Variants in FBXO42 observed in about 807,000 individuals in gnomAD.
FBXO42 encodes the protein F-box protein 42, also known as F-box only protein 42.
A neutral mutation model predicts 71.7 loss-of-function variants in FBXO42; 12 were observed. The ratio of observed to expected loss-of-function variants is 0.17; its 90% CI spans 0.11 to 0.27. FBXO42 has a LOEUF of 0.27. Ranked by LOEUF, FBXO42 falls within the 10% of genes least tolerant of loss-of-function variation. FBXO42 has a pLI of 1.00. For synonymous variants in FBXO42, 325 were observed against 327.5 expected (o/e 0.99, Z 0.08); for missense variants, 707 against 911.9 (o/e 0.78, Z 2.89).
chr1:16,352,246 A>AG lies in FBXO42; in HGVS notation c.-18+8dup, dbSNP rs2082708917. On this transcript the variant is annotated intron_variant, in intron 1 of 9. Coordinates refer to ENST00000375592, the MANE Select transcript of FBXO42 (RefSeq NM_018994.3). ...CCCTCTGCGGCCCGGGGAGGAGGAG[A>AG]GGCCTCACCTGGCCCAGCCCGCTCC... is the stretch of plus-strand genomic sequence containing the variant. 2.5e-6 allele frequency: 1 copy of AG among 394,640 alleles called. No homozygotes were observed. Among genetic ancestry groups the AG allele is most frequent in the Non-Finnish European group, 4.5e-6 (1 of 223,968 alleles). The allele number at this position is 394,640 out of a possible 1,614,324, so 24.4% of individuals were successfully genotyped here.
intron 1 of FBXO42, among the ~76,000 whole-genome samples, chr1:16,319,803 C>T (rs145760062): frequency 3.3e-4 from 50 of 151,718 alleles, no homozygotes; most frequent in African/African-American, 1.2e-3. Context: ...CCCAGCTACT[C>T]GGGAGGCTAA....
At chr1:16,350,796 A>AGAAAGAAAGAAAGAAGGAAAGAAAG (rs59531912) in intron 1 of FBXO42, among the ~76,000 whole-genome samples, 1 of 151,200 alleles carries the variant, frequency 6.6e-6, no homozygotes, top group Non-Finnish European at 1.5e-5. Context: ...AAAGAAAGAA[A>AGAAAGAAAGAAAGAAGGAAAGAAAG]ATGGTCAAAT....
chr1:16,340,696 T>C (rs934480398), intron 1 of FBXO42, among the ~76,000 whole-genome samples: 7 of 152,246 alleles, frequency 4.6e-5, no homozygotes, highest in Admixed American at 2.6e-4. Context: ...TTCTCATTTA[T>C]AATTTTCTTA....
chr1:16,266,324 A>G (rs760303561), intron 4 of FBXO42, among the ~76,000 whole-genome samples: 4 of 152,194 alleles, frequency 2.6e-5, no homozygotes, highest in Admixed American at 6.5e-5. Flanking sequence ...CCATGCTAAA[A>G]TAAGTTTGCT....
chr1:16,331,326 T>C (rs917611359), intron 1 of FBXO42, among the ~76,000 whole-genome samples: 3 of 151,490 alleles, frequency 2.0e-5, no homozygotes, highest in East Asian at 2.0e-4. Flanking sequence ...GGCAGGAGAA[T>C]GGCGTGAACC....
intron 1 of FBXO42, among the ~76,000 whole-genome samples, chr1:16,337,883 C>CAAAAAAAAAAAAAAAAAAAAAAA (rs60328879): frequency 4.4e-4 from 17 of 38,854 alleles, no homozygotes; most frequent in East Asian, 1.6e-3. Flanking sequence ...GACTCCGTCT[C>CAAAAAAAAAAAAAAAAAAAAAAA]AAAAAAAAAA....
At chr1:16,347,345 G>C (rs145788510) in intron 1 of FBXO42, among the ~76,000 whole-genome samples, 1,656 of 149,564 alleles carry the variant, frequency 0.011, 32 homozygotes, top group African/African-American at 0.037. Flanking sequence ...GTGAAACCCC[G>C]TGTCTACTAA....
rs1225278177 is a variant in FBXO42, at chr1:16,305,905, A to G, written c.265T>C (p.Cys89Arg). The G allele has an allele frequency of 1.2e-6, 2 of 1,613,396 alleles. No individual in the cohort carries two copies. The highest frequency in any genetic ancestry group is 1.7e-5 in the Admixed American group (1 of 60,014). ...YRLIKGVAHQCYHGFMKAVQE... is the reference protein window; with the variant it reads ...YRLIKGVAHQRYHGFMKAVQE... ...ACAGCCTTCATGAAACCATGATAACACTGATGGGCTACACCTAAGACAGAA... is the reference window on the plus strand; with the variant it reads ...ACAGCCTTCATGAAACCATGATAACGCTGATGGGCTACACCTAAGACAGAA... The change falls in exon 3 of 10, where the codon TGT (cysteine) becomes CGT (arginine). Residue 89 changes from cysteine to arginine, a missense_variant. Physicochemically the swap from Cys to Arg is radical, Grantham distance 180. This residue lies in a region of FBXO42 where 188 missense variants were observed against 230.5 expected (regional missense o/e 0.82). Transcript: ENST00000375592.
intron 3 of FBXO42, among the ~76,000 whole-genome samples, chr1:16,298,668 C>T (rs1020242238): frequency 6.6e-6 from 1 of 152,068 alleles, no homozygotes; most frequent in African/African-American, 2.4e-5. Flanking sequence ...CACCACCACG[C>T]CCAGCTAGTT....
chr1:16,298,850 T>C (rs902486874), intron 3 of FBXO42, among the ~76,000 whole-genome samples: 2 of 152,034 alleles, frequency 1.3e-5, no homozygotes, highest in South Asian at 4.1e-4. Flanking sequence ...GTGTCCATTA[T>C]AACATTGCTT....
rs1027411740 is a variant in FBXO42 at position 16,247,631 on chromosome 1, C to T, written c.*3039G>A. ...GGTTTTCAGCTGTTGCTGTAAAACT[C>T]GAACATTAAAATCAAATCAATCCAC... On this transcript the variant is annotated 3_prime_UTR_variant, in exon 10 of 10. Coordinates refer to ENST00000375592, the MANE Select transcript of FBXO42 (RefSeq NM_018994.3). 4 of 152,048 alleles carry T rather than the reference C, an allele frequency of 2.6e-5. No homozygotes were observed. Among genetic ancestry groups the T allele is most frequent in the African/African-American group, 9.7e-5 (4 of 41,394 alleles). 9.4% of individuals were successfully genotyped at this position (152,048 alleles called of 1,614,324 possible).
chr1:16,325,063 C>A (rs181858870), intron 1 of FBXO42, among the ~76,000 whole-genome samples: 2 of 152,124 alleles, frequency 1.3e-5, no homozygotes, highest in East Asian at 3.9e-4. Context: ...CAAAGTGAGA[C>A]CCTGTCTCTA....
At chr1:16,341,609 TAAAAAAAAAAAA>T (rs34904915) in intron 1 of FBXO42, among the ~76,000 whole-genome samples, 54 of 113,254 alleles carry the variant, frequency 4.8e-4, no homozygotes, top group Admixed American at 9.3e-4. Flanking sequence ...CTGCGTCTTT[TAAAAAAAAAAAA>T]AAAAAAAAAA....
rs776161397 is a variant in FBXO42, at chr1:16,255,701, A to G, written c.767+10T>C. On this transcript the variant is annotated intron_variant, in intron 6 of 9. Transcript: ENST00000375592. ...TTCAGGCTCATATGGAGCAAACCAAATGTACTTACATTTGCCGGGATCCTA... is the reference window on the plus strand; with the variant it reads ...TTCAGGCTCATATGGAGCAAACCAAGTGTACTTACATTTGCCGGGATCCTA... The G allele has an allele frequency of 6.2e-7, 1 of 1,610,626 alleles. No homozygotes were observed. The highest frequency in any genetic ancestry group is 1.1e-5 in the South Asian group (1 of 90,870).
intron 3 of FBXO42, among the ~76,000 whole-genome samples, chr1:16,302,308 C>T (rs1439696210): frequency 6.6e-6 from 1 of 152,132 alleles, no homozygotes; most frequent in Non-Finnish European, 1.5e-5. Context: ...CTTAGCAAGA[C>T]TGAGGTAGTG....
intron 1 of FBXO42, among the ~76,000 whole-genome samples, chr1:16,320,098 G>A (rs1176039003): frequency 2.6e-5 from 4 of 151,808 alleles, no homozygotes; most frequent in African/African-American, 4.8e-5. Context: ...GGTGGCTCAC[G>A]CGTGTAATCC....
intron 4 of FBXO42, among the ~76,000 whole-genome samples, chr1:16,271,288 T>C (rs993745377): frequency 6.0e-5 from 9 of 150,994 alleles, no homozygotes; most frequent in African/African-American, 2.2e-4. Flanking sequence ...TGTGTGTGTG[T>C]GTGTGTGTGT....
At chr1:16,273,067 T>C (rs1386412000) in intron 4 of FBXO42, among the ~76,000 whole-genome samples, 1 of 152,178 alleles carries the variant, frequency 6.6e-6, no homozygotes, top group Non-Finnish European at 1.5e-5. Flanking sequence ...TCATCATCAG[T>C]TCCCAGAAAC....
At chr1:16,303,004 G>C (rs1005254330) in intron 3 of FBXO42, among the ~76,000 whole-genome samples, 1 of 152,102 alleles carries the variant, frequency 6.6e-6, no homozygotes, top group Non-Finnish European at 1.5e-5. Context: ...CACACTGCTT[G>C]AGCTCAGGGG....
Sources: gnomAD v4.1 joint callset for allele counts (sites outside exome capture counted in the v4.1 genomes callset) on GRCh38, gnomAD v4.1.1 for gene constraint, gnomAD v4.1.1 regional missense constraint, MANE v1.5 for transcripts, NCBI Gene and HGNC (gene_info 2026-07-23, HGNC 2026-07-21) for gene names.